Variants in SYT1 observed in about 807,000 individuals in gnomAD.
SYT1 encodes synaptotagmin 1, also known as synaptotagmin-1.
In SYT1, 8 loss-of-function variants were observed where a neutral mutation model predicts 44.8. The ratio of observed to expected loss-of-function variants is 0.18; its 90% CI spans 0.10 to 0.32. SYT1 has a LOEUF of 0.32. Ranked by LOEUF, SYT1 falls within the 10% of genes least tolerant of loss-of-function variation. SYT1 has a pLI of 1.00. For synonymous variants in SYT1, 154 were observed against 188.8 expected, an observed-to-expected ratio of 0.82 and a Z score of 1.51; for missense variants, 286 against 509.3, an observed-to-expected ratio of 0.56 and a Z score of 4.22.
chr12:79,333,341 C>T (rs1438929157), intron 8 of SYT1, among the ~76,000 whole-genome samples: 1 of 152,062 alleles, frequency 6.6e-6, no homozygotes, highest in Non-Finnish European at 1.5e-5. Flanking sequence ...GACTCTCATC[C>T]CATTCAGGAA....
intron 1 of SYT1, among the ~76,000 whole-genome samples, chr12:78,968,881 T>G (rs529057635): frequency 3.0e-4 from 46 of 152,120 alleles, no homozygotes; most frequent in Non-Finnish European, 5.7e-4. Context: ...ATCATGTGTG[T>G]GAATAAGACA....
chr12:79,149,419 G>A (rs1232028637), intron 3 of SYT1, among the ~76,000 whole-genome samples: 1 of 152,076 alleles, frequency 6.6e-6, no homozygotes, highest in Non-Finnish European at 1.5e-5. Context: ...TTATTAATCT[G>A]CAAGTTCTAT....
chr12:79,271,226 T>G (rs1042111482), intron 4 of SYT1, among the ~76,000 whole-genome samples: 1 of 152,220 alleles, frequency 6.6e-6, no homozygotes, highest in Non-Finnish European at 1.5e-5. Flanking sequence ...CATTTACTTT[T>G]AAAATATATA....
At chr12:78,995,116 C>T (rs900274718) in intron 2 of SYT1, among the ~76,000 whole-genome samples, 4 of 152,106 alleles carry the variant, frequency 2.6e-5, no homozygotes, top group African/African-American at 4.8e-5. Context: ...AGGCCTGAAC[C>T]AAAGGCTGGG....
At chr12:79,000,747 G>T (rs966936466) in intron 2 of SYT1, among the ~76,000 whole-genome samples, 1 of 151,990 alleles carries the variant, frequency 6.6e-6, no homozygotes, top group Non-Finnish European at 1.5e-5. Context: ...GGGGCCAAAG[G>T]GTTCCAATCA....
chr12:79,056,004 A>G (rs1230617239), intron 3 of SYT1, among the ~76,000 whole-genome samples: 4 of 152,026 alleles, frequency 2.6e-5, no homozygotes, highest in African/African-American at 9.7e-5. Context: ...CCAATGTGTT[A>G]TAATTGCCTA....
chr12:79,021,250 A>G (rs1486361716), intron 2 of SYT1, among the ~76,000 whole-genome samples: 1 of 151,962 alleles, frequency 6.6e-6, no homozygotes, highest in Non-Finnish European at 1.5e-5. Flanking sequence ...CAACTGAGTT[A>G]TAAAATTGGT....
intron 1 of SYT1, among the ~76,000 whole-genome samples, chr12:78,886,764 A>G (rs983607499): frequency 1.3e-5 from 2 of 152,028 alleles, no homozygotes; most frequent in African/African-American, 4.8e-5. Context: ...CTTTTGGAGA[A>G]AAGTGTATGA....
intron 9 of SYT1, among the ~76,000 whole-genome samples, chr12:79,363,015 C>A (rs1314756808): frequency 6.6e-6 from 1 of 152,170 alleles, no homozygotes; most frequent in Non-Finnish European, 1.5e-5. Flanking sequence ...TCATGCCTTT[C>A]CATGGGTAAC....
intron 1 of SYT1, among the ~76,000 whole-genome samples, chr12:78,953,112 G>A (rs1359580628): frequency 6.6e-6 from 1 of 152,010 alleles, no homozygotes; most frequent in Non-Finnish European, 1.5e-5. Flanking sequence ...CACATAGTAA[G>A]GGCACAATAA....
chr12:78,992,159 G>T (rs2137488688), intron 2 of SYT1, among the ~76,000 whole-genome samples: 1 of 152,314 alleles, frequency 6.6e-6, no homozygotes. Flanking sequence ...AAAATTCATT[G>T]TGGAGGATTG....
chr12:79,264,991 G>C (rs1878045921), intron 4 of SYT1, among the ~76,000 whole-genome samples: 1 of 151,848 alleles, frequency 6.6e-6, no homozygotes, highest in Admixed American at 6.6e-5. Context: ...TGCTTTGACG[G>C]TTGTATTATA....
At chr12:79,204,146 G>T (rs544617213) in intron 3 of SYT1, among the ~76,000 whole-genome samples, 16 of 152,300 alleles carry the variant, frequency 1.1e-4, no homozygotes, top group African/African-American at 3.8e-4. Flanking sequence ...CCTGACTCAT[G>T]AGGTTTATTT....
chr12:79,294,555 A>T (rs961470792), intron 6 of SYT1, among the ~76,000 whole-genome samples: 1 of 152,178 alleles, frequency 6.6e-6, no homozygotes, highest in Non-Finnish European at 1.5e-5. Flanking sequence ...GGTTGTAAAA[A>T]GTAACCTCAT....
chr12:78,968,230 T>G (rs1175775497), intron 1 of SYT1, among the ~76,000 whole-genome samples: 1 of 151,974 alleles, frequency 6.6e-6, no homozygotes, highest in Admixed American at 6.6e-5. Flanking sequence ...TAGAGAAAAA[T>G]GTAGCAAGAA....
chr12:78,903,270 TATA>T (rs1875766420), intron 1 of SYT1, among the ~76,000 whole-genome samples: 1 of 150,854 alleles, frequency 6.6e-6, no homozygotes. Context: ...ACAAAATATA[TATA>T]CAAATATATA....
intron 1 of SYT1, among the ~76,000 whole-genome samples, chr12:78,974,299 A>T (rs1415190526): frequency 1.3e-5 from 2 of 151,940 alleles, no homozygotes; most frequent in Non-Finnish European, 2.9e-5. Flanking sequence ...CTGAAATTTT[A>T]TTATTTGGTG....
At chr12:78,872,083 A>T (rs994101926) in intron 1 of SYT1, among the ~76,000 whole-genome samples, 2 of 151,930 alleles carry the variant, frequency 1.3e-5, no homozygotes, top group Non-Finnish European at 2.9e-5. Flanking sequence ...GTTTTATTAA[A>T]TTATAATGTT....
intron 4 of SYT1, among the ~76,000 whole-genome samples, chr12:79,279,103 C>T (rs1878904024): frequency 6.6e-6 from 1 of 151,566 alleles, no homozygotes; most frequent in Non-Finnish European, 1.5e-5. Flanking sequence ...GACATCAATC[C>T]TACCGAAACT....
Sources: gnomAD v4.1 joint callset for allele counts (sites outside exome capture counted in the v4.1 genomes callset) on GRCh38, gnomAD v4.1.1 for gene constraint, MANE v1.5 for transcripts, NCBI Gene and HGNC (gene_info 2026-07-23, HGNC 2026-07-21) for gene names.